The following DUS1L variants were observed in gnomAD, a reference collection of about 807,000 sequenced individuals.
DUS1L encodes the protein tRNA-dihydrouridine(16/17) synthase [NAD(P)(+)]-like.
DUS1L carries 56 observed loss-of-function variants against 61.2 expected under a neutral mutation model. The ratio of observed to expected loss-of-function variants is 0.92; its 90% CI spans 0.74 to 1.14. DUS1L has a LOEUF of 1.14. DUS1L is among the 50% of genes most tolerant of loss of function. The probability of loss-of-function intolerance (pLI) is 0.00; values close to 1 mark genes in which losing one functional copy is unlikely to be tolerated. For synonymous variants in DUS1L, 278 were observed against 259.5 expected (o/e 1.07, Z -0.69); for missense variants, 630 against 632.4 (o/e 1.00, Z 0.04).
intron 6 of DUS1L, 31 bp from the exon 7 acceptor site, chr17:82,061,752 G>T: frequency 6.2e-7 from 1 of 1,609,226 alleles, no homozygotes; most frequent in African/African-American, 1.3e-5. Context: ...GTTTCCACCC[G>T]CCCGGAACAG....
chr17:82,063,635 G>C (rs1362283771), intron 3 of DUS1L, 117 bp from the exon 4 acceptor site: 1 of 1,294,052 alleles, frequency 7.7e-7, no homozygotes, highest in Non-Finnish European at 1.1e-6. Flanking sequence ...GCCCTGTCAG[G>C]CGGGACACAG....
rs2033479403 is a variant in DUS1L, at chr17:82,061,302, C to CA, written c.748dup (p.Trp250LeufsTer147). ...GTCCAGATACTCCTCGGCCAGCTCC[C>CA]ACACGGCAGGGCTCCGGCCCTCGAA... On this transcript the variant is annotated frameshift_variant, in exon 8 of 14. Transcript: ENST00000306796. LOFTEE classifies it high-confidence loss of function. The CA allele has an allele frequency of 6.2e-7, 1 of 1,610,738 alleles. No individual in the cohort carries two copies. The highest frequency in any genetic ancestry group is 2.2e-5 in the East Asian group (1 of 44,852).
Position 82,061,240 on chromosome 17 carries a change from G to A in DUS1L, c.811C>T (p.Arg271Trp), listed in dbSNP as rs372820618. 6.2e-6 allele frequency: 10 copies of A among 1,606,362 alleles called. No individual in the cohort carries two copies. The highest frequency in any genetic ancestry group is 2.2e-5 in the East Asian group (1 of 44,744). The change falls in exon 8 of 14, where the codon CGG (arginine) becomes TGG (tryptophan). Residue 271 changes from arginine (R) to tryptophan (W), a missense_variant. Coordinates refer to ENST00000306796, the MANE Select transcript of DUS1L (RefSeq NM_022156.5). Reference sequence around the variant, plus strand: ...TGCCACAGCTTGAAGAGGTGGGCCCGGACGTAGGACAGGGGGCAGGGGTGC... The same window carrying A: ...TGCCACAGCTTGAAGAGGTGGGCCCAGACGTAGGACAGGGGGCAGGGGTGC... ...REHPCPLSYV[R>W]AHLFKLWHHT...
At chr17:82,063,785 C>A (rs2033629727) in intron 3 of DUS1L, among the ~76,000 whole-genome samples, 1 of 152,234 alleles carries the variant, frequency 6.6e-6, no homozygotes, top group South Asian at 2.1e-4. Context: ...CCTGCACGGT[C>A]TGGAACCAAG....
chr17:82,064,340 T>G, intron 2 of DUS1L, 106 bp from the exon 3 acceptor site: 1 of 944,150 alleles, frequency 1.1e-6, no homozygotes, highest in Non-Finnish European at 1.6e-6. Flanking sequence ...TGGGCCCAGG[T>G]TCACTGCAGG....
chr17:82,062,490 G>A (rs537325850), intron 5 of DUS1L, among the ~76,000 whole-genome samples: 17 of 152,378 alleles, frequency 1.1e-4, no homozygotes, highest in African/African-American at 3.8e-4. Context: ...CTCAGTGTGC[G>A]GGGAACACGG....
At position 82,063,519 on chromosome 17, in the gene DUS1L, C is replaced by T. The variant is rs924322738; in HGVS notation, c.347-1G>A. 1.9e-6 allele frequency: 3 copies of T among 1,613,448 alleles called. No individual in the cohort carries two copies. In the African/African-American group the frequency reaches 4.0e-5, roughly 22 times the overall value. ...TCCTGCAGAAAGGCGCCATAGTGAC[C>T]TGCAAGGAGCAAGCATGGCCTGGCT... On this transcript the variant is annotated splice_acceptor_variant, in intron 3 of 13. Transcript: ENST00000306796. LOFTEE classifies it high-confidence loss of function.
Position 82,064,026 on chromosome 17 carries a change from A to G in DUS1L, c.346+100T>C, listed in dbSNP as rs1398738947. ...CCAGCCTGAGCCACTGTCACGACAG[A>G]GGCAGGGCCTGCCGTCCTCCAAGCT... On this transcript the variant is annotated intron_variant, in intron 3 of 13. Coordinates refer to ENST00000306796, the MANE Select transcript of DUS1L (RefSeq NM_022156.5). 4.0e-6 allele frequency: 4 copies of G among 1,011,342 alleles called. No individual in the cohort carries two copies. In the Admixed American group the frequency reaches 8.3e-5, roughly 21 times the overall value. The allele number at this position is 1,011,342 out of a possible 1,614,324, so 62.6% of individuals were successfully genotyped here.
At chr17:82,058,977 A>G (rs779696797) in intron 11 of DUS1L, 159 bp from the exon 12 acceptor site, 26 of 674,248 alleles carry the variant, frequency 3.9e-5, no homozygotes, top group Non-Finnish European at 6.6e-5. Context: ...CAGGCTGGCC[A>G]CGTCTGCTTT....
intron 12 of DUS1L, 127 bp from the exon 13 acceptor site, chr17:82,058,543 C>G: frequency 6.8e-7 from 1 of 1,460,722 alleles, no homozygotes; most frequent in Non-Finnish European, 9.0e-7. Flanking sequence ...GCCCTGGGAA[C>G]TGCTCCCAAG....
At position 82,057,701 on chromosome 17, in the gene DUS1L, A is replaced by G. The variant is rs1473483520; in HGVS notation, c.*414T>C. ...TCCCGGAGGCTTTGGCCACTTGCCT[A>G]TGGAGGCGCCTAGGGGAGGTGGGGA... On this transcript the variant is annotated 3_prime_UTR_variant, in exon 14 of 14. Transcript: ENST00000306796. 9.7e-6 allele frequency: 2 copies of G among 207,114 alleles called. No individual in the cohort carries two copies. Among genetic ancestry groups the G allele is most frequent in the Admixed American group, 5.3e-5 (1 of 18,858 alleles). The allele number at this position is 207,114 out of a possible 1,614,324, so 12.8% of individuals were successfully genotyped here. A position where few individuals can be genotyped will look rare whatever the true frequency, so the allele number is the denominator to read the frequency against.
Position 82,061,343 on chromosome 17 carries a change from C to G in DUS1L, c.708G>C (p.Leu236=), listed in dbSNP as rs111383728. ...GGCCCTCGAACAGGGCGGGGTTGTG[C>G]AGGTTGCCCTCTGTGGGAGGAGGAG... ...VQGVMSAEGN[L]HNPALFEGRS... Residue 236 remains leucine (L), a synonymous_variant, in exon 8 of 14, where the codon CTG becomes CTC. Coordinates refer to ENST00000306796, the MANE Select transcript of DUS1L (RefSeq NM_022156.5). The G allele has an allele frequency of 1.9e-6, 3 of 1,578,524 alleles. No individual in the cohort carries two copies. Among genetic ancestry groups the G allele is most frequent in the Non-Finnish European group, 2.6e-6 (3 of 1,160,538 alleles).
In DUS1L at chr17:82,058,142, G is replaced by A. The variant is rs773407976; in HGVS notation, c.1395C>T (p.Ser465=). 1.4e-5 allele frequency: 22 copies of A among 1,590,322 alleles called. No homozygotes were observed. The highest frequency in any genetic ancestry group is 5.1e-5 in the Admixed American group (3 of 58,652). The change falls in exon 14 of 14, where the codon TCC becomes TCT. Residue 465 remains serine, a synonymous_variant. Coordinates refer to ENST00000306796, the MANE Select transcript of DUS1L (RefSeq NM_022156.5). ...PAAPGTPGGF[S]EVMGSALA ...AGGCCAGGGCACTGCCCATGACTTC[G>A]GAGAAGCCACCTGGTGTTCCAGGTG...
Position 82,058,365 on chromosome 17 carries a change from A to G in DUS1L, c.1258T>C (p.Ser420Pro). The G allele has an allele frequency of 6.7e-7, 1 of 1,491,248 alleles. No individual in the cohort carries two copies. The highest frequency in any genetic ancestry group is 8.9e-7 in the Non-Finnish European group (1 of 1,117,960). 92.4% of individuals were successfully genotyped at this position (1,491,248 alleles called of 1,614,324 possible). The stretch of plus-strand genomic sequence containing the variant: ...CCTGGGCAGTCTGCAGTCTCTTTGG[A>G]GGCTCGCTTCTTGCAGCAGCCGCGG... The part of the protein sequence containing the change: ...LCRGCCKKRA[S>P]KETADCPGHG... The change falls in exon 13 of 14, where the codon TCC (serine) becomes CCC (proline). Residue 420 changes from serine to proline, a missense_variant. Physicochemically the swap from Ser to Pro is moderately conservative, Grantham distance 74 (BLOSUM62 -1). Coordinates refer to ENST00000306796, the MANE Select transcript of DUS1L (RefSeq NM_022156.5).
At chr17:82,060,296 C>G (rs986419823) in intron 10 of DUS1L, 3 of 670,906 alleles carry the variant, frequency 4.5e-6, no homozygotes, top group Non-Finnish European at 7.4e-6. Flanking sequence ...GTCCGCAGCT[C>G]GGGCAGCCCC....
Position 82,060,745 on chromosome 17 carries a change from G to T in DUS1L, c.978C>A (p.Gly326=). The change falls in exon 10 of 14, where the codon GGC becomes GGA. Residue 326 remains glycine (G), a synonymous_variant. Coordinates refer to ENST00000306796, the MANE Select transcript of DUS1L (RefSeq NM_022156.5). ...ISRQEGAKPT[G]DLPFHWICQP... is the part of the protein sequence containing the mutation. ...GGCAGATCCAGTGGAAGGGCAAGTC[G>T]CCGGTGGGCTTCGCTCCCTCCTGCC... The T allele has an allele frequency of 2.5e-6, 4 of 1,612,846 alleles. No homozygotes were observed. The highest frequency in any genetic ancestry group is 3.4e-6 in the Non-Finnish European group (4 of 1,179,874).
Position 82,060,695 on chromosome 17 carries a change from T to G in DUS1L, c.1022+6A>C. Reference sequence around the variant, plus strand: ...CATCCCCGCCCAGGGCTGGCTGGGCTCTCACCCCGGCCGGATGTAGGGCTG... The same window carrying G: ...CATCCCCGCCCAGGGCTGGCTGGGCGCTCACCCCGGCCGGATGTAGGGCTG... On this transcript the variant is annotated splice_donor_region_variant and intron_variant, in intron 10 of 13. Transcript: ENST00000306796. The G allele has an allele frequency of 1.2e-6, 2 of 1,612,198 alleles. No individual in the cohort carries two copies. Among genetic ancestry groups the G allele is most frequent in the Non-Finnish European group, 8.5e-7 (1 of 1,179,646 alleles).
At position 82,058,833 on chromosome 17, in the gene DUS1L, A is replaced by C; in HGVS notation, c.1169-15T>G. On this transcript the variant is annotated splice_polypyrimidine_tract_variant and intron_variant, in intron 11 of 13. Transcript: ENST00000306796. ...TGCATATTTTGCTAGGAAAAGAACA[A>C]AAGGGTGCTGGTGAGTGAGGGCCAG... 1 of 1,608,704 alleles carries C rather than the reference A, an allele frequency of 6.2e-7. No homozygotes were observed.
chr17:82,060,328 A>G (rs1050131275), intron 10 of DUS1L: 3 of 613,792 alleles, frequency 4.9e-6, no homozygotes, highest in Non-Finnish European at 8.4e-6. Flanking sequence ...CACCAGCTCC[A>G]GGGAGGGCTG....
Sources: gnomAD v4.1 joint callset for allele counts (sites outside exome capture counted in the v4.1 genomes callset) on GRCh38, gnomAD v4.1.1 for gene constraint, MANE v1.5 for transcripts, NCBI Gene and HGNC (gene_info 2026-07-23, HGNC 2026-07-21) for gene names.